Variants in MAGI2 observed in about 807,000 individuals in gnomAD.
MAGI2 encodes membrane-associated guanylate kinase, WW and PDZ domain-containing protein 2.
Under a neutral mutation model 133.3 loss-of-function variants are expected in MAGI2, and 35 were observed. That is an observed-to-expected ratio of 0.26 (90% CI 0.20 to 0.35). MAGI2 has a LOEUF of 0.35. Ranked by LOEUF, MAGI2 falls within the 10% of genes least tolerant of loss-of-function variation. The pLI is 1.00. For synonymous variants in MAGI2, 729 were observed against 710.6 expected, an observed-to-expected ratio of 1.03 and a Z score of -0.41; for missense variants, 1,636 against 1,863.4, an observed-to-expected ratio of 0.88 and a Z score of 2.25.
At chr7:79,420,093 T>C (rs1846840624) in intron 1 of MAGI2, among the ~76,000 whole-genome samples, 1 of 152,098 alleles carries the variant, frequency 6.6e-6, no homozygotes, top group African/African-American at 2.4e-5. Context: ...TAATTTTAGA[T>C]AGCCTGGATC....
intron 2 of MAGI2, among the ~76,000 whole-genome samples, chr7:78,753,318 G>C (rs1823628849): frequency 6.6e-6 from 1 of 151,818 alleles, no homozygotes; most frequent in African/African-American, 2.4e-5. Context: ...AAAAAATTTA[G>C]TATCTGAAAA....
chr7:78,819,048 A>G (rs770722531), intron 2 of MAGI2, among the ~76,000 whole-genome samples: 4 of 152,100 alleles, frequency 2.6e-5, no homozygotes, highest in Non-Finnish European at 5.9e-5. Context: ...ATATATTTGA[A>G]ATATTCATAA....
chr7:78,495,177 T>C (rs1318153641), intron 5 of MAGI2, among the ~76,000 whole-genome samples: 2 of 152,156 alleles, frequency 1.3e-5, no homozygotes, highest in Admixed American at 6.6e-5. Flanking sequence ...GTTTGTTGCA[T>C]AGGTATACAC....
chr7:78,208,116 C>T (rs1038206040), intron 10 of MAGI2, among the ~76,000 whole-genome samples: 18 of 142,480 alleles, frequency 1.3e-4, no homozygotes, highest in Non-Finnish European at 1.1e-4. Context: ...GATCCATCCA[C>T]CTCGGCCTCC....
chr7:78,027,908 A>G (rs1366597776), intron 21 of MAGI2, among the ~76,000 whole-genome samples: 2 of 152,202 alleles, frequency 1.3e-5, no homozygotes, highest in Non-Finnish European at 2.9e-5. Flanking sequence ...TCCTGTTGCA[A>G]CCTACAGTTG....
At chr7:78,211,755 A>T (rs1000061569) in intron 10 of MAGI2, among the ~76,000 whole-genome samples, 1 of 152,238 alleles carries the variant, frequency 6.6e-6, no homozygotes, top group African/African-American at 2.4e-5. Context: ...TCAACAATTT[A>T]TTGCCACAAC....
chr7:79,124,863 T>G, intron 1 of MAGI2: 1 of 227,188 alleles, frequency 4.4e-6, no homozygotes, highest in Admixed American at 5.0e-5. Flanking sequence ...ATGGGTTGTG[T>G]GGTAACAAGA....
chr7:79,060,861 C>T (rs547641535), intron 1 of MAGI2, among the ~76,000 whole-genome samples: 1 of 151,980 alleles, frequency 6.6e-6, no homozygotes, highest in Admixed American at 6.6e-5. Flanking sequence ...TTCCTTACAA[C>T]AAGAAATTGA....
intron 1 of MAGI2, among the ~76,000 whole-genome samples, chr7:79,129,701 C>G (rs1292902163): frequency 6.6e-6 from 1 of 151,954 alleles, no homozygotes; most frequent in East Asian, 1.9e-4. Context: ...GAATAGGCCA[C>G]AGAACTTTAA....
intron 3 of MAGI2, among the ~76,000 whole-genome samples, chr7:78,584,699 C>T (rs1262339821): frequency 1.3e-5 from 2 of 152,070 alleles, no homozygotes; most frequent in Admixed American, 1.3e-4. Context: ...TGGCTGGCAC[C>T]TTATAAGCCC....
chr7:78,981,404 T>A (rs920465036), intron 2 of MAGI2, among the ~76,000 whole-genome samples: 12 of 151,782 alleles, frequency 7.9e-5, no homozygotes, highest in Non-Finnish European at 1.5e-4. Flanking sequence ...TTCTGATGGA[T>A]ATTTAAAGCC....
rs188204331 is a variant in MAGI2, at chr7:78,638,695, A to T, written c.419-11456T>A. 4.2e-3 allele frequency among the ~76,000 whole-genome samples: 636 copies of T among 152,336 alleles called. 3 individuals are homozygous for T. The highest frequency in any genetic ancestry group is 0.014 in the African/African-American group (596 of 41,584). On this transcript the variant is annotated intron_variant, in intron 2 of 21. Coordinates refer to ENST00000354212, the MANE Select transcript of MAGI2 (RefSeq NM_012301.4). ...CAATAAAGTAGGGCAACCAACCATA[A>T]TTCCAAGATTCTTGACTTGACTATT... is the stretch of plus-strand genomic sequence containing the variant.
At position 78,064,328 on chromosome 7, in the gene MAGI2, T is replaced by TTGTGTGTGTGTGTGTG. The variant is rs3840609; in HGVS notation, c.3706+14603_3706+14618dup. Among the ~76,000 whole-genome samples the TTGTGTGTGTGTGTGTG allele has an allele frequency of 5.5e-3, 818 of 148,590 alleles. 12 individuals are homozygous for TTGTGTGTGTGTGTGTG. The highest frequency in any genetic ancestry group is 0.016 in the African/African-American group (629 of 40,552). On this transcript the variant is annotated intron_variant, in intron 21 of 21. Transcript: ENST00000354212. ...GCTTCAAGGAATGACTGTGATGGTT[T>TTGTGTGTGTGTGTGTG]TGTGTGTGTGTGTGTGTGTGTGTGT...
At chr7:79,226,375 C>G (rs1302962672) in intron 1 of MAGI2, among the ~76,000 whole-genome samples, 1 of 151,938 alleles carries the variant, frequency 6.6e-6, no homozygotes, top group African/African-American at 2.4e-5. Flanking sequence ...CACCCCAATC[C>G]CCATCATATA....
intron 6 of MAGI2, among the ~76,000 whole-genome samples, chr7:78,418,776 G>A (rs916755127): frequency 6.6e-6 from 1 of 152,186 alleles, no homozygotes; most frequent in Non-Finnish European, 1.5e-5. Context: ...TCACAATGCT[G>A]TAGGGGGTTA....
chr7:79,029,270 A>C (rs1370848645), intron 1 of MAGI2, among the ~76,000 whole-genome samples: 1 of 152,178 alleles, frequency 6.6e-6, no homozygotes, highest in African/African-American at 2.4e-5. Flanking sequence ...ATATTTTTAA[A>C]ATAAACTATC....
intron 9 of MAGI2, among the ~76,000 whole-genome samples, chr7:78,292,510 A>C (rs1276510835): frequency 5.9e-5 from 9 of 152,238 alleles, no homozygotes; most frequent in African/African-American, 2.2e-4. Flanking sequence ...CATACTGCCC[A>C]AGGTAACTTA....
At chr7:79,423,989 T>G (rs1328971012) in intron 1 of MAGI2, among the ~76,000 whole-genome samples, 1 of 152,180 alleles carries the variant, frequency 6.6e-6, no homozygotes, top group Non-Finnish European at 1.5e-5. Context: ...TATATTCCTA[T>G]AAACCATTGT....
chr7:78,057,325 C>A (rs541310633), intron 21 of MAGI2, among the ~76,000 whole-genome samples: 2 of 152,092 alleles, frequency 1.3e-5, no homozygotes, highest in Non-Finnish European at 2.9e-5. Context: ...TCGCTACAAC[C>A]TCTGCCTTCT....
Sources: gnomAD v4.1 joint callset for allele counts (sites outside exome capture counted in the v4.1 genomes callset) on GRCh38, gnomAD v4.1.1 for gene constraint, MANE v1.5 for transcripts, NCBI Gene and HGNC (gene_info 2026-07-23, HGNC 2026-07-21) for gene names.